Variants in VAV2 observed in about 807,000 individuals in gnomAD.
VAV2 encodes guanine nucleotide exchange factor VAV2.
VAV2 carries 67 observed loss-of-function variants against 132.5 expected under a neutral mutation model. The observed-to-expected ratio is 0.51, with a 90% confidence interval of 0.42 to 0.62. The LOEUF (loss-of-function observed/expected upper bound fraction) is 0.62. Ranked by LOEUF, VAV2 falls within the 20% of genes least tolerant of loss-of-function variation. VAV2 has a pLI of 0.00. For synonymous variants in VAV2, 492 were observed against 443.5 expected (o/e 1.11, Z -1.37); for missense variants, 938 against 1,153.6 (o/e 0.81, Z 2.71).
At chr9:133,847,934 A>G (rs1837002153) in intron 3 of VAV2, among the ~76,000 whole-genome samples, 1 of 152,150 alleles carries the variant, frequency 6.6e-6, no homozygotes, top group South Asian at 2.1e-4. Context: ...GAGGGAAAGA[A>G]GCAAGTCCAA....
Position 133,833,346 on chromosome 9 carries a change from C to T in VAV2, c.449+926G>A, listed in dbSNP as rs957428313. On this transcript the variant is annotated intron_variant, in intron 4 of 29. Coordinates refer to ENST00000371850, the MANE Select transcript of VAV2 (RefSeq NM_001134398.2). This position sits in a 1 kb window ranked among gnomAD's most constrained non-coding sequence, Gnocchi z 5.6. The stretch of plus-strand genomic sequence containing the variant: ...CCCATACACGCAGCTCCCCCTCTTA[C>T]TCCTCTCCCGGTTGTCATTCTCAGT... Among the ~76,000 whole-genome samples, 2 of 152,192 alleles carry T rather than the reference C, an allele frequency of 1.3e-5. No homozygotes were observed. Among genetic ancestry groups the T allele is most frequent in the African/African-American group, 4.8e-5 (2 of 41,450 alleles).
In VAV2 at chr9:133,918,141, C is replaced by T. The variant is rs1421680910; in HGVS notation, c.321+20962G>A. 1.3e-5 allele frequency among the ~76,000 whole-genome samples: 2 copies of T among 152,226 alleles called. No homozygotes were observed. The highest frequency in any genetic ancestry group is 2.1e-4 in the South Asian group (1 of 4,830). On this transcript the variant is annotated intron_variant, in intron 2 of 29. Coordinates refer to ENST00000371850, the MANE Select transcript of VAV2 (RefSeq NM_001134398.2). The surrounding 1 kb of genome is among the most constrained non-coding windows in gnomAD (Gnocchi z 4.7). ...TGATATGCCCACAGTATTAGGACAG[C>T]TCTCCTTTTCCACTTGAAAGGCATC...
chr9:133,807,517 G>A (rs1307056688), intron 7 of VAV2, among the ~76,000 whole-genome samples, 191 bp from the exon 8 acceptor site: 8 of 152,226 alleles, frequency 5.3e-5, no homozygotes, highest in Non-Finnish European at 1.0e-4. Context: ...GGAAGGTGCG[G>A]GGGTAAAGAT....
At chr9:133,875,939 A>G (rs1838246218) in intron 2 of VAV2, among the ~76,000 whole-genome samples, 1 of 152,174 alleles carries the variant, frequency 6.6e-6, no homozygotes, top group African/African-American at 2.4e-5. Flanking sequence ...GGGGGCCCAA[A>G]CAGGTCATGA....
chr9:133,797,955 C>A, intron 9 of VAV2, 146 bp from the exon 10 acceptor site: 1 of 671,234 alleles, frequency 1.5e-6, no homozygotes, highest in Non-Finnish European at 2.4e-6. Flanking sequence ...TGGACACATT[C>A]AACGGCCAGG....
In VAV2 at chr9:133,928,179, G is replaced by C. The variant is rs1588382871; in HGVS notation, c.321+10924C>G. Among the ~76,000 whole-genome samples the C allele has an allele frequency of 5.4e-5, 2 of 37,150 alleles. No homozygotes were observed. The highest frequency in any genetic ancestry group is 3.0e-4 in the Non-Finnish European group (2 of 6,586). The allele number at this position is 37,150 out of a possible 152,430, so 24.4% of individuals were successfully genotyped here. A position where few individuals can be genotyped will look rare whatever the true frequency, so the allele number is the denominator to read the frequency against. ...ATGGGCTTACCGACTCCGTGTGTGTGTGTGTGTGTGCGTGCATGTGTGTAT... is the reference window on the plus strand; with the variant it reads ...ATGGGCTTACCGACTCCGTGTGTGTCTGTGTGTGTGCGTGCATGTGTGTAT... On this transcript the variant is annotated intron_variant, in intron 2 of 29. Coordinates refer to ENST00000371850, the MANE Select transcript of VAV2 (RefSeq NM_001134398.2). The surrounding 1 kb of genome is among the most constrained non-coding windows in gnomAD (Gnocchi z 5.4).
intron 2 of VAV2, among the ~76,000 whole-genome samples, chr9:133,933,945 A>G (rs1364511010): frequency 1.6e-5 from 2 of 125,452 alleles, no homozygotes; most frequent in East Asian, 5.0e-4. Flanking sequence ...GGATGGATGG[A>G]TGGATGGTGG....
intron 14 of VAV2, 75 bp downstream of exon 14, chr9:133,789,181 CTT>C: frequency 6.5e-7 from 1 of 1,543,460 alleles, no homozygotes; most frequent in Non-Finnish European, 8.9e-7. Context: ...TCCAGAGCCA[CTT>C]AGGAGTGGCT....
chr9:133,884,389 C>T lies in VAV2; in HGVS notation c.322-22957G>A, dbSNP rs1248277443. Among the ~76,000 whole-genome samples, 4 of 152,224 alleles carry T rather than the reference C, an allele frequency of 2.6e-5. No individual in the cohort carries two copies. Among genetic ancestry groups the T allele is most frequent in the Admixed American group, 2.6e-4 (4 of 15,288 alleles). On this transcript the variant is annotated intron_variant, in intron 2 of 29. Transcript: ENST00000371850. The surrounding 1 kb of genome is among the most constrained non-coding windows in gnomAD (Gnocchi z 5.3). ...CTCATCAAAGCAGTGCTTCCTTAGG[C>T]GCTTGGGTGCTCACTGCAGTGGGCT...
chr9:133,800,976 T>C (rs775704237), intron 9 of VAV2, among the ~76,000 whole-genome samples: 2 of 152,246 alleles, frequency 1.3e-5, no homozygotes, highest in African/African-American at 2.4e-5. Flanking sequence ...GGTAGAGGCC[T>C]GTCCAAGGTC....
chr9:133,811,850 C>A (rs1306480918), intron 5 of VAV2, among the ~76,000 whole-genome samples: 4 of 152,236 alleles, frequency 2.6e-5, no homozygotes, highest in African/African-American at 9.6e-5. Flanking sequence ...GGTGTCATCT[C>A]TGGGCACCTG....
rs765299247 is a variant in VAV2 at position 133,776,017 on chromosome 9, G to T, written c.2018+11C>A. The T allele has an allele frequency of 6.2e-7, 1 of 1,605,174 alleles. No homozygotes were observed. Among genetic ancestry groups the T allele is most frequent in the South Asian group, 1.1e-5 (1 of 90,284 alleles). Reference sequence around the variant, plus strand: ...CCAGATGCCCATGTCTGCAGCCCACGATCCACTCACCAGGGGTATGCAGTG... The same window carrying T: ...CCAGATGCCCATGTCTGCAGCCCACTATCCACTCACCAGGGGTATGCAGTG... On this transcript the variant is annotated intron_variant, in intron 24 of 29. Coordinates refer to ENST00000371850, the MANE Select transcript of VAV2 (RefSeq NM_001134398.2).
rs1840540501 is a variant in VAV2 at position 133,928,049 on chromosome 9, C to T, written c.321+11054G>A. Among the ~76,000 whole-genome samples, 1 of 152,174 alleles carries T rather than the reference C, an allele frequency of 6.6e-6. No individual in the cohort carries two copies. The highest frequency in any genetic ancestry group is 1.5e-5 in the Non-Finnish European group (1 of 68,030). On this transcript the variant is annotated intron_variant, in intron 2 of 29. Coordinates refer to ENST00000371850, the MANE Select transcript of VAV2 (RefSeq NM_001134398.2). The surrounding 1 kb of genome is among the most constrained non-coding windows in gnomAD (Gnocchi z 5.4). ...GCTACCAAAATTGAACCACCCTCCA[C>T]CCTTGTCCAGTGTGAAGTTAATGAC...
rs370846242 is a variant in VAV2, at chr9:133,804,989, G to A, written c.836+1092C>T. 5.9e-5 allele frequency among the ~76,000 whole-genome samples: 9 copies of A among 152,298 alleles called. No homozygotes were observed. The highest frequency in any genetic ancestry group is 2.2e-4 in the African/African-American group (9 of 41,560). ...TCCAGGACCCTCCTCACAGGGAAGG[G>A]GGGAGCGCCTTTCCTGAAGCTACAG... On this transcript the variant is annotated intron_variant, in intron 9 of 29. Coordinates refer to ENST00000371850, the MANE Select transcript of VAV2 (RefSeq NM_001134398.2). The surrounding 1 kb of genome is among the most constrained non-coding windows in gnomAD (Gnocchi z 4.5).
At chr9:133,783,879 T>A (rs1243841676) in intron 18 of VAV2, among the ~76,000 whole-genome samples, 661 of 27,910 alleles carry the variant, frequency 0.024, 10 homozygotes, top group South Asian at 0.13. Flanking sequence ...GCTGGGCCGT[T>A]TTTTTTTTTT....
At chr9:133,795,585 C>T in intron 12 of VAV2, 83 bp downstream of exon 12, 1 of 1,533,592 alleles carries the variant, frequency 6.5e-7, no homozygotes, top group Middle Eastern at 1.7e-4. Context: ...AAAACTGAGG[C>T]TCGTTAATGA....
chr9:133,851,661 A>AGGGT (rs1554790551), intron 3 of VAV2, among the ~76,000 whole-genome samples: 2 of 143,668 alleles, frequency 1.4e-5, no homozygotes, highest in Non-Finnish European at 3.0e-5. Flanking sequence ...AATGGACAGA[A>AGGGT]GGGTGGATGG....
At chr9:133,943,500 G>A (rs1028317085) in intron 1 of VAV2, among the ~76,000 whole-genome samples, 2 of 152,172 alleles carry the variant, frequency 1.3e-5, no homozygotes, top group Non-Finnish European at 2.9e-5. Flanking sequence ...CCTGGCCTTC[G>A]GGACCCCCCA....
chr9:133,877,642 C>T (rs10118439), intron 2 of VAV2, among the ~76,000 whole-genome samples: 6,254 of 152,224 alleles, frequency 0.041, 411 homozygotes, highest in African/African-American at 0.14. Flanking sequence ...AGCCTCCCGA[C>T]TGAGCCTCAC....
Sources: gnomAD v4.1 joint callset for allele counts (sites outside exome capture counted in the v4.1 genomes callset) on GRCh38, gnomAD v4.1.1 for gene constraint, Gnocchi (gnomAD v3.1) non-coding constraint, MANE v1.5 for transcripts, NCBI Gene and HGNC (gene_info 2026-07-23, HGNC 2026-07-21) for gene names.